ZNF43: variants seen among roughly 807,000 people sequenced by gnomAD.
ZNF43 encodes zinc finger protein 43.
Under a neutral mutation model 68.4 loss-of-function variants are expected in ZNF43, and 44 were observed. That is an observed-to-expected ratio of 0.64 (90% CI 0.51 to 0.83). The LOEUF (loss-of-function observed/expected upper bound fraction) is 0.83, where lower values mean the gene tolerates loss of function less well. Ranked by LOEUF, ZNF43 falls within the 40% of genes least tolerant of loss-of-function variation. ZNF43 has a pLI of 0.00. For synonymous variants in ZNF43, 308 were observed against 307.8 expected, an observed-to-expected ratio of 1.00 and a Z score of -0.01; for missense variants, 896 against 933.2, an observed-to-expected ratio of 0.96 and a Z score of 0.52.
chr19:21,841,477 C>G (rs1382345022), intron 1 of ZNF43: 1 of 152,252 alleles, frequency 6.6e-6, no homozygotes, highest in Non-Finnish European at 1.5e-5. Context: ...ATTCTCTCTG[C>G]AGGCAAGGCC....
chr19:21,839,381 GC>G (rs1487309188), upstream of ZNF43, among the ~76,000 whole-genome samples: 1 of 149,218 alleles, frequency 6.7e-6, no homozygotes, highest in African/African-American at 2.5e-5. Flanking sequence ...TAAGAGCTGG[GC>G]CCAGCTACAT....
At chr19:21,831,143 T>A (rs1298555214) in intron 1 of ZNF43, among the ~76,000 whole-genome samples, 1 of 152,114 alleles carries the variant, frequency 6.6e-6, no homozygotes, top group Non-Finnish European at 1.5e-5. Context: ...GCCAATACAC[T>A]GAATGGACAC....
In ZNF43 at chr19:21,807,652, C is replaced by T; in HGVS notation, c.2385G>A (p.Val795=). Reference sequence around the variant, plus strand: ...TTTGAGGTGTTGTCAAAATCACTGTCACATCTTCAGGTTTGTAGAGTTTCT... The same window carrying T: ...TTTGAGGTGTTGTCAAAATCACTGTTACATCTTCAGGTTTGTAGAGTTTCT... The part of the protein sequence containing the change: ...TGEKLYKPED[V]TVILTTPQTF... The change falls in exon 4 of 4, where the codon GTG becomes GTA. Residue 795 remains valine (V), a synonymous_variant. Coordinates refer to ENST00000354959, the MANE Select transcript of ZNF43 (RefSeq NM_003423.4). The T allele has an allele frequency of 6.4e-7, 1 of 1,571,778 alleles. No homozygotes were observed. Among genetic ancestry groups the T allele is most frequent in the Non-Finnish European group, 8.6e-7 (1 of 1,161,370 alleles).
chr19:21,836,338 G>T (rs1357708794), upstream of ZNF43: 6 of 1,069,604 alleles, frequency 5.6e-6, no homozygotes, highest in African/African-American at 6.5e-5. Context: ...GCTGAAAGAA[G>T]AAAGAATGAC....
At chr19:21,811,706 T>C (rs2037280763) in intron 3 of ZNF43, among the ~76,000 whole-genome samples, 1 of 152,100 alleles carries the variant, frequency 6.6e-6, no homozygotes, top group African/African-American at 2.4e-5. Context: ...AAATGAACCC[T>C]TCTGTGTATG....
intron 3 of ZNF43, among the ~76,000 whole-genome samples, chr19:21,813,877 C>G (rs549047906): frequency 7.2e-5 from 11 of 152,154 alleles, no homozygotes; most frequent in African/African-American, 2.6e-4. Flanking sequence ...ATCCCTCCCC[C>G]TCAATCTCCC....
In ZNF43 at chr19:21,805,167, T is replaced by G. The variant is rs567646698; in HGVS notation, c.*2440A>C. 5 of 152,258 alleles carry G rather than the reference T, an allele frequency of 3.3e-5. No individual in the cohort carries two copies. The South Asian group carries it at 1.0e-3, about 32-fold the overall frequency. 9.4% of individuals were successfully genotyped at this position (152,258 alleles called of 1,614,324 possible). On this transcript the variant is annotated 3_prime_UTR_variant, in exon 4 of 4. Coordinates refer to ENST00000354959, the MANE Select transcript of ZNF43 (RefSeq NM_003423.4). ...GTATCAAAACATGTTATATATTGCA[T>G]AAATATATACACATTTGGCCAGGTG...
At chr19:21,814,488 C>A (rs1471549951) in intron 3 of ZNF43, among the ~76,000 whole-genome samples, 2 of 151,614 alleles carry the variant, frequency 1.3e-5, no homozygotes, top group Non-Finnish European at 2.9e-5. Context: ...TGGCTCACTG[C>A]AATCTCCACT....
chr19:21,814,503 G>A (rs1029781813), intron 3 of ZNF43, among the ~76,000 whole-genome samples: 2 of 151,640 alleles, frequency 1.3e-5, no homozygotes, highest in African/African-American at 4.8e-5. Flanking sequence ...TCCACTTCCC[G>A]GGTTTGAGCG....
rs1328227721 is a variant in ZNF43, at chr19:21,836,165, CCAACTGCAGCCAGAGA to C, written c.-143_-128del. 1 of 1,556,984 alleles carries C rather than the reference CCAACTGCAGCCAGAGA, an allele frequency of 6.4e-7. No individual in the cohort carries two copies. The highest frequency in any genetic ancestry group is 1.4e-5 in the African/African-American group (1 of 73,646). On this transcript the variant is annotated 5_prime_UTR_variant, in exon 1 of 4. Transcript: ENST00000354959. ...AAGAACGAAGACGAGACGCAGAGCT[CCAACTGCAGCCAGAGA>C]CAAAGGCCCCGCCACATCCCGGAAG...
upstream of ZNF43, chr19:21,836,304 A>G: frequency 8.2e-7 from 1 of 1,214,378 alleles, no homozygotes. Flanking sequence ...CAAACCCTGA[A>G]TGAAAGATGT....
At chr19:21,812,931 T>C (rs912987330) in intron 3 of ZNF43, among the ~76,000 whole-genome samples, 5 of 105,946 alleles carry the variant, frequency 4.7e-5, no homozygotes, top group Admixed American at 1.7e-4. Context: ...TGACTCCATC[T>C]CAAAAAAAAA....
intron 1 of ZNF43, among the ~76,000 whole-genome samples, chr19:21,842,595 C>T (rs1967620557): frequency 6.6e-6 from 1 of 151,790 alleles, no homozygotes. Flanking sequence ...TGTCAAAATG[C>T]CCTATGTGGG....
At chr19:21,824,289 A>G (rs1409661213) in intron 1 of ZNF43, among the ~76,000 whole-genome samples, 1 of 152,140 alleles carries the variant, frequency 6.6e-6, no homozygotes, top group Non-Finnish European at 1.5e-5. Flanking sequence ...ACCCTACTCC[A>G]GTATCGTATT....
At chr19:21,815,712 T>G (rs201556020) in intron 3 of ZNF43, among the ~76,000 whole-genome samples, 2 of 152,052 alleles carry the variant, frequency 1.3e-5, no homozygotes, top group Non-Finnish European at 2.9e-5. Flanking sequence ...TAAATTCTAG[T>G]ATAATTGTCC....
intron 1 of ZNF43, among the ~76,000 whole-genome samples, chr19:21,850,332 G>A (rs1968261060): frequency 6.6e-6 from 1 of 150,538 alleles, no homozygotes; most frequent in Non-Finnish European, 1.5e-5. Flanking sequence ...GGAGGCCGAA[G>A]CAGGTGGATC....
chr19:21,814,384 T>C (rs927189242), intron 3 of ZNF43, among the ~76,000 whole-genome samples: 7 of 151,910 alleles, frequency 4.6e-5, no homozygotes, highest in African/African-American at 1.7e-4. Flanking sequence ...TATAATATGA[T>C]TGTGATAGAC....
intron 1 of ZNF43, among the ~76,000 whole-genome samples, chr19:21,821,761 C>T (rs890023053): frequency 6.8e-6 from 1 of 147,458 alleles, no homozygotes; most frequent in Non-Finnish European, 1.5e-5. Context: ...TTTGCAGAGA[C>T]CCTTGCCTAT....
intron 1 of ZNF43, chr19:21,843,388 G>A: frequency 2.0e-6 from 2 of 985,300 alleles, no homozygotes; most frequent in Non-Finnish European, 2.4e-6. Flanking sequence ...CTAGGTATGA[G>A]TCAATACCAT....
Sources: gnomAD v4.1 joint callset for allele counts (sites outside exome capture counted in the v4.1 genomes callset) on GRCh38, gnomAD v4.1.1 for gene constraint, MANE v1.5 for transcripts, NCBI Gene and HGNC (gene_info 2026-07-23, HGNC 2026-07-21) for gene names.